CCDC141: variants seen among roughly 807,000 people sequenced by gnomAD.
CCDC141 encodes the protein coiled-coil domain containing 141.
A neutral mutation model predicts 181.0 loss-of-function variants in CCDC141; 168 were observed. The ratio of observed to expected loss-of-function variants is 0.93; its 90% confidence interval spans 0.82 to 1.05. The LOEUF (loss-of-function observed/expected upper bound fraction) is 1.05, where lower values mean the gene tolerates loss of function less well. Among genes scored for constraint, CCDC141 ranks in the 50% least tolerant of loss-of-function variants. CCDC141 has a pLI of 0.00. For missense variants in CCDC141, 1,902 were observed against 1,788.5 expected (o/e 1.06, Z -1.14); for synonymous variants, 666 against 642.3 (o/e 1.04, Z -0.56).
intron 2 of CCDC141, among the ~76,000 whole-genome samples, chr2:178,984,082 T>G (rs1036774958): frequency 9.2e-5 from 14 of 151,902 alleles, no homozygotes; most frequent in Admixed American, 4.6e-4. Flanking sequence ...CGGGTTACCC[T>G]CAAAGGGAAG....
chr2:178,953,050 G>T (rs1416116801), intron 5 of CCDC141, among the ~76,000 whole-genome samples: 1 of 152,198 alleles, frequency 6.6e-6, no homozygotes, highest in East Asian at 1.9e-4. Flanking sequence ...GACCAATGTG[G>T]TGGGAACCAG....
intron 21 of CCDC141, among the ~76,000 whole-genome samples, chr2:178,847,092 A>ATTTCTCTTGCCAGAGAGACCCT: frequency 6.6e-6 from 1 of 152,216 alleles, no homozygotes; most frequent in Non-Finnish European, 1.5e-5. Context: ...GCTGATGCCT[A>ATTTCTCTTGCCAGAGAGACCCT]TTTCTCTTGC....
chr2:178,977,583 G>A (rs988732303), intron 3 of CCDC141, among the ~76,000 whole-genome samples: 1 of 152,066 alleles, frequency 6.6e-6, no homozygotes, highest in African/African-American at 2.4e-5. Context: ...CCTCCCTTTT[G>A]CTTTTAAACA....
rs74954944 is a variant in CCDC141, at chr2:178,832,100, G to C, written c.*2073C>G. Reference sequence around the variant, plus strand: ...TAATAAGAAAGAGAAAGTGGGAAGAGAGACAGTTTGTTACCGGGTCTCACC... The same window carrying C: ...TAATAAGAAAGAGAAAGTGGGAAGACAGACAGTTTGTTACCGGGTCTCACC... On this transcript the variant is annotated 3_prime_UTR_variant, in exon 24 of 24. Transcript: ENST00000443758. The C allele has an allele frequency of 0.082, 12,462 of 152,202 alleles. 618 individuals carry two copies. The highest frequency in any genetic ancestry group is 0.14 in the African/African-American group (5,739 of 41,518). 9.4% of individuals were successfully genotyped at this position (152,202 alleles called of 1,614,324 possible).
chr2:179,044,802 T>C (rs964912426), intron 2 of CCDC141, among the ~76,000 whole-genome samples: 1 of 152,154 alleles, frequency 6.6e-6, no homozygotes, highest in Non-Finnish European at 1.5e-5. Flanking sequence ...GTATTACGTT[T>C]CTACAGTTCA....
chr2:179,040,699 G>A (rs973107645), intron 2 of CCDC141, among the ~76,000 whole-genome samples: 23 of 152,098 alleles, frequency 1.5e-4, no homozygotes, highest in Admixed American at 1.4e-3. Flanking sequence ...CTATGTCCCC[G>A]CAAAGGACAT....
chr2:178,868,486 G>T (rs1270962282), intron 15 of CCDC141, among the ~76,000 whole-genome samples: 2 of 151,562 alleles, frequency 1.3e-5, no homozygotes, highest in East Asian at 1.9e-4. Flanking sequence ...AAATTTAGAG[G>T]CTATTTTAAA....
At chr2:178,962,073 C>T (rs1690429064) in intron 4 of CCDC141, among the ~76,000 whole-genome samples, 3 of 152,086 alleles carry the variant, frequency 2.0e-5, no homozygotes, top group Admixed American at 2.0e-4. Flanking sequence ...GTTCTGACTT[C>T]TAAATCTTTC....
chr2:178,946,878 G>A (rs550978524), intron 5 of CCDC141, among the ~76,000 whole-genome samples: 8 of 152,282 alleles, frequency 5.3e-5, no homozygotes, highest in South Asian at 4.1e-4. Flanking sequence ...TCCTGTTCAC[G>A]TTCCTGCCTG....
At chr2:179,021,156 A>G (rs993765703) in intron 2 of CCDC141, among the ~76,000 whole-genome samples, 1 of 152,176 alleles carries the variant, frequency 6.6e-6, no homozygotes, top group Non-Finnish European at 1.5e-5. Context: ...TTATGCCTTT[A>G]TTTCACTAAG....
At chr2:178,969,836 T>C (rs1363220352) in intron 4 of CCDC141, among the ~76,000 whole-genome samples, 1 of 152,226 alleles carries the variant, frequency 6.6e-6, no homozygotes, top group Non-Finnish European at 1.5e-5. Context: ...AGTCAAATTG[T>C]CTCTGTTTGC....
Position 178,878,155 on chromosome 2 carries a change from A to G in CCDC141, c.1720-12T>C. On this transcript the variant is annotated splice_polypyrimidine_tract_variant and intron_variant, in intron 11 of 23. Coordinates refer to ENST00000443758, the MANE Select transcript of CCDC141 (RefSeq NM_173648.4). ...AACTGCATCTCTACCTAAAAAAGAAAAAAGAGAGTTAAGAACACTTAAACA... is the reference window on the plus strand; with the variant it reads ...AACTGCATCTCTACCTAAAAAAGAAGAAAGAGAGTTAAGAACACTTAAACA... 1 of 1,575,666 alleles carries G rather than the reference A, an allele frequency of 6.3e-7. No homozygotes were observed. Among genetic ancestry groups the G allele is most frequent in the Non-Finnish European group, 8.6e-7 (1 of 1,166,376 alleles).
chr2:178,856,246 T>A lies in CCDC141; in HGVS notation c.2865+11A>T, dbSNP rs767789554. ...ACATGCGCACATATACAAACCATACTTTCTTGTTACCTGCATTTTTTCAGC... is the reference window on the plus strand; with the variant it reads ...ACATGCGCACATATACAAACCATACATTCTTGTTACCTGCATTTTTTCAGC... On this transcript the variant is annotated intron_variant, in intron 18 of 23. Transcript: ENST00000443758. 1.3e-6 allele frequency: 2 copies of A among 1,597,484 alleles called. No homozygotes were observed.
At chr2:178,981,650 A>ATATATATATATATATATATATATATATG (rs377733700) in intron 2 of CCDC141, among the ~76,000 whole-genome samples, 1 of 127,322 alleles carries the variant, frequency 7.9e-6, no homozygotes, top group Admixed American at 8.3e-5. Context: ...ATATATATAT[A>ATATATATATATATATATATATATATATG]TATATATACA....
chr2:178,884,872 C>T lies in CCDC141; in HGVS notation c.1719+29G>A, dbSNP rs530810330. 1.0e-4 allele frequency: 159 copies of T among 1,529,582 alleles called. 1 individual carries two copies. The highest frequency in any genetic ancestry group is 2.2e-4 in the South Asian group (18 of 82,760). The allele number at this position is 1,529,582 out of a possible 1,614,324, so 94.8% of individuals were successfully genotyped here. ...AAGGACATGGGCAGTGGCCACCTTG[C>T]TGAAGAAGGTTAACACATAGTACCA... On this transcript the variant is annotated intron_variant, in intron 11 of 23. Transcript: ENST00000443758.
chr2:178,909,434 T>C (rs1010219970), intron 7 of CCDC141, among the ~76,000 whole-genome samples: 4 of 152,216 alleles, frequency 2.6e-5, no homozygotes, highest in Non-Finnish European at 5.9e-5. Context: ...ATTGGTACGA[T>C]GGGCTGGATA....
intron 2 of CCDC141, among the ~76,000 whole-genome samples, chr2:179,016,039 T>C (rs1249365138): frequency 6.6e-6 from 1 of 151,230 alleles, no homozygotes; most frequent in African/African-American, 2.4e-5. Flanking sequence ...ATTAACAGCA[T>C]TCACAATGAC....
intron 2 of CCDC141, among the ~76,000 whole-genome samples, chr2:178,994,511 TC>T (rs1692196846): frequency 6.6e-6 from 1 of 152,202 alleles, no homozygotes; most frequent in Non-Finnish European, 1.5e-5. Context: ...AACCACTTTT[TC>T]CTCCTAGGCC....
At chr2:178,964,654 C>A (rs1418831340) in intron 4 of CCDC141, among the ~76,000 whole-genome samples, 2 of 152,210 alleles carry the variant, frequency 1.3e-5, no homozygotes, top group Non-Finnish European at 2.9e-5. Context: ...TCAGTTTCCT[C>A]TGCCAGTTCC....
Sources: gnomAD v4.1 joint callset for allele counts (sites outside exome capture counted in the v4.1 genomes callset) on GRCh38, gnomAD v4.1.1 for gene constraint, MANE v1.5 for transcripts, NCBI Gene and HGNC (gene_info 2026-07-23, HGNC 2026-07-21) for gene names.